The following ZMIZ1 variants were observed in gnomAD, a reference collection of about 807,000 sequenced individuals.
ZMIZ1 encodes zinc finger MIZ-type containing 1, also known as zinc finger MIZ domain-containing protein 1.
A neutral mutation model predicts 113.9 loss-of-function variants in ZMIZ1; 17 were observed. That is an observed-to-expected ratio of 0.15 (90% CI 0.10 to 0.22). ZMIZ1 has a LOEUF of 0.22. ZMIZ1 is among the 10% of genes least tolerant of loss of function. ZMIZ1 has a pLI of 1.00. For synonymous variants in ZMIZ1, 607 were observed against 603.1 expected, an observed-to-expected ratio of 1.01 and a Z score of -0.09; for missense variants, 1,059 against 1,477.8, an observed-to-expected ratio of 0.72 and a Z score of 4.65.
At chr10:79,109,256 G>A (rs768099513) in intron 1 of ZMIZ1, among the ~76,000 whole-genome samples, 7 of 152,174 alleles carry the variant, frequency 4.6e-5, no homozygotes, top group East Asian at 1.9e-4. Flanking sequence ...GTGCAAGTGC[G>A]CCTGTGTGCA....
At chr10:79,302,679 T>G (rs1854385876) in intron 18 of ZMIZ1, among the ~76,000 whole-genome samples, 12 of 134,076 alleles carry the variant, frequency 9.0e-5, no homozygotes, top group South Asian at 2.5e-4. Context: ...CAACAGCTCA[T>G]GCTTTTTTTT....
chr10:79,072,071 A>T (rs878910407), intron 1 of ZMIZ1, among the ~76,000 whole-genome samples: 3 of 152,056 alleles, frequency 2.0e-5, no homozygotes, highest in Admixed American at 2.0e-4. Flanking sequence ...TGGGAATAAG[A>T]AATTGCTGGA....
chr10:79,083,877 A>G (rs535804329), intron 1 of ZMIZ1, among the ~76,000 whole-genome samples: 1 of 152,126 alleles, frequency 6.6e-6, no homozygotes, highest in Non-Finnish European at 1.5e-5. Context: ...GTGCTTGTCA[A>G]TTCCTGTGCC....
In ZMIZ1 at chr10:79,153,362, TAGAG is replaced by T. The variant is rs1271494430; in HGVS notation, c.-130-8687_-130-8684del. Among the ~76,000 whole-genome samples, 17 of 152,328 alleles carry T rather than the reference TAGAG, an allele frequency of 1.1e-4. No homozygotes were observed. The South Asian group carries it at 1.2e-3, about 11-fold the overall frequency. ...GGCATCGTTCCTCCTGCTTGGCAGATAGAGAGACAGAGATGTCAAGGGATGGGAG... is the reference window on the plus strand; with the variant it reads ...GGCATCGTTCCTCCTGCTTGGCAGATAGACAGAGATGTCAAGGGATGGGAG... On this transcript the variant is annotated intron_variant, in intron 3 of 24. Coordinates refer to ENST00000334512, the MANE Select transcript of ZMIZ1 (RefSeq NM_020338.4).
intron 1 of ZMIZ1, among the ~76,000 whole-genome samples, chr10:79,095,002 T>C (rs889461263): frequency 6.7e-6 from 1 of 150,228 alleles, no homozygotes; most frequent in Non-Finnish European, 1.5e-5. Flanking sequence ...GCAGTGGCGC[T>C]GGATGCTGAT....
intron 4 of ZMIZ1, among the ~76,000 whole-genome samples, chr10:79,166,383 G>A (rs1252526139): frequency 1.3e-5 from 2 of 152,328 alleles, no homozygotes; most frequent in East Asian, 1.9e-4. Context: ...GCTCTTTGGC[G>A]GGTCTGAGAC....
intron 1 of ZMIZ1, among the ~76,000 whole-genome samples, chr10:79,117,304 G>A (rs1844077227): frequency 6.6e-6 from 1 of 152,250 alleles, no homozygotes; most frequent in Non-Finnish European, 1.5e-5. Flanking sequence ...AACTCCAGAG[G>A]ACCCCTGCCG....
intron 2 of ZMIZ1, among the ~76,000 whole-genome samples, chr10:79,131,642 C>A (rs1354815539): frequency 6.6e-6 from 1 of 152,112 alleles, no homozygotes; most frequent in African/African-American, 2.4e-5. Context: ...CTCTGCATGG[C>A]CCCCTCTGCT....
chr10:79,081,974 G>A (rs1842674269), intron 1 of ZMIZ1, among the ~76,000 whole-genome samples: 1 of 152,262 alleles, frequency 6.6e-6, no homozygotes, highest in African/African-American at 2.4e-5. Context: ...AGGGGACGAG[G>A]TCACACGACA....
chr10:79,288,124 G>A (rs1487532404), intron 8 of ZMIZ1, among the ~76,000 whole-genome samples: 1 of 152,222 alleles, frequency 6.6e-6, no homozygotes, highest in Non-Finnish European at 1.5e-5. Flanking sequence ...ACAGTGGTGT[G>A]GTCCTGCCCT....
intron 2 of ZMIZ1, among the ~76,000 whole-genome samples, chr10:79,127,363 TA>T (rs1240611868): frequency 6.6e-5 from 10 of 152,162 alleles, no homozygotes; most frequent in African/African-American, 2.4e-4. Context: ...CTCCTTGGAC[TA>T]CAAGTCCCCG....
At chr10:79,148,050 G>GCTC (rs2132440364) in intron 3 of ZMIZ1, among the ~76,000 whole-genome samples, 1 of 152,340 alleles carries the variant, frequency 6.6e-6, no homozygotes, top group South Asian at 2.1e-4. Context: ...TGGAGGAGGA[G>GCTC]GGCTGTGGTG....
chr10:79,136,494 C>T (rs12572275), intron 2 of ZMIZ1, among the ~76,000 whole-genome samples: 7,941 of 152,272 alleles, frequency 0.052, 299 homozygotes, highest in East Asian at 0.19. Flanking sequence ...AGAAGGGGGC[C>T]TACTCAGAGT....
At chr10:79,181,180 C>T (rs1847110273) in intron 4 of ZMIZ1, among the ~76,000 whole-genome samples, 1 of 152,078 alleles carries the variant, frequency 6.6e-6, no homozygotes, top group Non-Finnish European at 1.5e-5. Context: ...CAGGGAGCAC[C>T]CGGGTTTCAG....
intron 8 of ZMIZ1, chr10:79,285,357 G>A: frequency 2.5e-6 from 1 of 407,604 alleles, no homozygotes; most frequent in South Asian, 1.7e-5. Context: ...GGTGTCCAAG[G>A]TGTGCGGGAC....
chr10:79,200,232 C>T (rs1032998811), intron 4 of ZMIZ1, among the ~76,000 whole-genome samples: 1 of 152,224 alleles, frequency 6.6e-6, no homozygotes, highest in South Asian at 2.1e-4. Flanking sequence ...TGTCTGCAGC[C>T]TGAACTGTCC....
chr10:79,206,641 A>G (rs946096946), intron 5 of ZMIZ1, among the ~76,000 whole-genome samples: 1 of 152,250 alleles, frequency 6.6e-6, no homozygotes, highest in Admixed American at 6.5e-5. Context: ...AGAAGGAGCC[A>G]GGGCTGAGAG....
rs116163781 is a variant in ZMIZ1, at chr10:79,259,930, A to G, written c.281-17251A>G. On this transcript the variant is annotated intron_variant, in intron 7 of 24. Transcript: ENST00000334512. ...CCCAGCCTTTCCTCTGTCACCTTCT[A>G]GACAGTATGTTGTTTTGCTCCCCCT... is the stretch of plus-strand genomic sequence containing the variant. Among the ~76,000 whole-genome samples, 1,071 of 152,244 alleles carry G rather than the reference A, an allele frequency of 7.0e-3. 8 individuals are homozygous for G. The highest frequency in any genetic ancestry group is 0.024 in the African/African-American group (1,012 of 41,536).
chr10:79,094,298 G>A (rs1404232348), intron 1 of ZMIZ1, among the ~76,000 whole-genome samples: 1 of 152,208 alleles, frequency 6.6e-6, no homozygotes, highest in East Asian at 1.9e-4. Flanking sequence ...AGAAGGCCAC[G>A]AACGCTGGGG....
Sources: allele counts gnomAD v4.1 joint callset (sites outside exome capture counted in the v4.1 genomes callset), GRCh38; gene constraint gnomAD v4.1.1; transcripts MANE v1.5; gene names NCBI Gene and HGNC (gene_info 2026-07-23, HGNC 2026-07-21).